Variants in ATP10B observed in about 807,000 individuals in gnomAD.
The protein encoded by ATP10B is phospholipid-transporting ATPase VB.
In ATP10B, 122 loss-of-function variants were observed where a neutral mutation model predicts 141.2. The observed-to-expected ratio is 0.86, with a 90% CI of 0.75 to 1.00. The LOEUF is 1.00. Ranked by LOEUF, ATP10B falls within the 50% of genes least tolerant of loss-of-function variation. The pLI is 0.00. For synonymous variants in ATP10B, 685 were observed against 692.0 expected (o/e 0.99, Z 0.16); for missense variants, 1,876 against 1,825.3 (o/e 1.03, Z -0.51).
intron 24 of ATP10B, among the ~76,000 whole-genome samples, chr5:160,588,052 G>C (rs1756028503): frequency 6.6e-6 from 1 of 152,088 alleles, no homozygotes; most frequent in Non-Finnish European, 1.5e-5. Flanking sequence ...GTTTCACCAT[G>C]TTGGCCAGGC....
At chr5:160,866,071 C>T in the ATP10B span, among the ~76,000 whole-genome samples, 1 of 151,874 alleles carries the variant, frequency 6.6e-6, no homozygotes, top group East Asian at 1.9e-4. Flanking sequence ...GGGTATCTAC[C>T]CAGAGGAAAA....
chr5:160,926,452 T>G, the ATP10B span, among the ~76,000 whole-genome samples: 132 of 152,274 alleles, frequency 8.7e-4, no homozygotes, highest in African/African-American at 3.0e-3. Context: ...AATCTGCAAA[T>G]GAAGACTAGC....
chr5:160,760,032 T>C (rs1768916711), intron 2 of ATP10B, among the ~76,000 whole-genome samples: 1 of 152,194 alleles, frequency 6.6e-6, no homozygotes, highest in Non-Finnish European at 1.5e-5. Context: ...ATTTCACAAA[T>C]GTTCTTAGAA....
chr5:160,838,661 A>T (rs1775620381), intron 1 of ATP10B, among the ~76,000 whole-genome samples: 1 of 152,212 alleles, frequency 6.6e-6, no homozygotes, highest in Non-Finnish European at 1.5e-5. Context: ...AAAAAAGTCA[A>T]CCATTATGCT....
At chr5:160,618,019 A>G in intron 15 of ATP10B, 46 bp from the exon 16 acceptor site, 1 of 1,443,432 alleles carries the variant, frequency 6.9e-7, no homozygotes, top group Non-Finnish European at 9.8e-7. Context: ...ACAAATGCTC[A>G]GGGATCCCCA....
chr5:160,777,592 A>T (rs1427362859), intron 2 of ATP10B, among the ~76,000 whole-genome samples: 1 of 152,236 alleles, frequency 6.6e-6, no homozygotes, highest in Non-Finnish European at 1.5e-5. Flanking sequence ...TCAGAGAATC[A>T]CACCGGATGT....
intron 3 of ATP10B, among the ~76,000 whole-genome samples, chr5:160,706,393 A>G (rs1765014375): frequency 6.6e-6 from 1 of 152,250 alleles, no homozygotes; most frequent in African/African-American, 2.4e-5. Flanking sequence ...GTGTTATTAT[A>G]TAATTAATAT....
intron 13 of ATP10B, among the ~76,000 whole-genome samples, chr5:160,624,917 A>G (rs1758535318): frequency 6.6e-6 from 1 of 152,200 alleles, no homozygotes; most frequent in Non-Finnish European, 1.5e-5. Context: ...ACCAGATTCC[A>G]GGGACCATCT....
chr5:160,784,538 T>C (rs988826257), intron 2 of ATP10B, among the ~76,000 whole-genome samples: 2 of 151,632 alleles, frequency 1.3e-5, no homozygotes, highest in Non-Finnish European at 3.0e-5. Context: ...TTATTTGTAG[T>C]TGTTGTTGTT....
the ATP10B span, among the ~76,000 whole-genome samples, chr5:160,901,806 C>A: frequency 6.6e-6 from 1 of 152,182 alleles, no homozygotes; most frequent in Admixed American, 6.5e-5. Context: ...TACAGTAGGA[C>A]ACCAATAAGT....
the ATP10B span, among the ~76,000 whole-genome samples, chr5:160,900,706 A>G: frequency 6.6e-6 from 1 of 152,326 alleles, no homozygotes; most frequent in Non-Finnish European, 1.5e-5. Flanking sequence ...AATTATGTAC[A>G]TTAAGATTAG....
At chr5:160,869,161 C>T in the ATP10B span, among the ~76,000 whole-genome samples, 2 of 152,144 alleles carry the variant, frequency 1.3e-5, no homozygotes, top group Non-Finnish European at 2.9e-5. Context: ...AGATATCTGA[C>T]ATATGTGTGT....
At chr5:160,708,300 G>A (rs940128913) in intron 3 of ATP10B, among the ~76,000 whole-genome samples, 5 of 152,110 alleles carry the variant, frequency 3.3e-5, no homozygotes, top group Non-Finnish European at 7.3e-5. Flanking sequence ...ACACGTGCAG[G>A]TAGCTACACT....
At position 160,564,872 on chromosome 5, in the gene ATP10B, T is replaced by C. The variant is rs1754441168; in HGVS notation, c.*581A>G. 6.5e-6 allele frequency: 1 copy of C among 152,898 alleles called. No homozygotes were observed. 9.5% of individuals were successfully genotyped at this position (152,898 alleles called of 1,614,324 possible). ...CAAATCCACTTTTCTTTCTGGCTTT[T>C]AGTAGTAGCTTTTTAGATGTGGCTT... is the stretch of plus-strand genomic sequence containing the variant. On this transcript the variant is annotated 3_prime_UTR_variant, in exon 26 of 26. Transcript: ENST00000327245.
rs3075585 is a variant in ATP10B at position 160,693,403 on chromosome 5, AACACACAC to A, written c.-204-4468_-204-4461del. ...GGCAAGATGTTTCCATGGGTCAGAA[AACACACAC>A]ACACACACACACACACACACACACA... is the stretch of plus-strand genomic sequence containing the variant. On this transcript the variant is annotated intron_variant, in intron 3 of 25. Coordinates refer to ENST00000327245, the MANE Select transcript of ATP10B (RefSeq NM_025153.3). Among the ~76,000 whole-genome samples, 1,128 of 125,674 alleles carry A rather than the reference AACACACAC, an allele frequency of 9.0e-3. 9 individuals carry two copies. Among genetic ancestry groups the A allele is most frequent in the East Asian group, 0.011 (40 of 3,762 alleles). 82.4% of individuals were successfully genotyped at this position (125,674 alleles called of 152,430 possible).
intron 2 of ATP10B, among the ~76,000 whole-genome samples, chr5:160,735,787 C>T (rs1262722658): frequency 6.6e-6 from 1 of 152,070 alleles, no homozygotes; most frequent in East Asian, 1.9e-4. Context: ...GAAATAATAT[C>T]AAGCATCTTG....
At chr5:160,773,210 A>G (rs1285777106) in intron 2 of ATP10B, among the ~76,000 whole-genome samples, 2 of 152,214 alleles carry the variant, frequency 1.3e-5, no homozygotes, top group African/African-American at 4.8e-5. Flanking sequence ...TGAAAAGTAG[A>G]GAAGCCTGGT....
At chr5:160,928,796 A>G in the ATP10B span, among the ~76,000 whole-genome samples, 2 of 152,330 alleles carry the variant, frequency 1.3e-5, no homozygotes, top group South Asian at 4.1e-4. Flanking sequence ...GGGCCTTGAA[A>G]TAGTACAACT....
At chr5:160,800,656 T>C (rs1561867733) in intron 1 of ATP10B, among the ~76,000 whole-genome samples, 1 of 152,192 alleles carries the variant, frequency 6.6e-6, no homozygotes, top group Non-Finnish European at 1.5e-5. Context: ...TTGGATCTTG[T>C]TTAATAGTCT....
Sources: gnomAD v4.1 joint callset for allele counts (sites outside exome capture counted in the v4.1 genomes callset) on GRCh38, gnomAD v4.1.1 for gene constraint, MANE v1.5 for transcripts, NCBI Gene and HGNC (gene_info 2026-07-23, HGNC 2026-07-21) for gene names.